The following PRPH2 variants were observed in gnomAD, a reference collection of about 807,000 sequenced individuals.
The protein encoded by PRPH2 is peripherin 2.
In PRPH2, 17 loss-of-function variants were observed where a neutral mutation model predicts 31.3. The observed-to-expected ratio is 0.54, with a 90% CI of 0.37 to 0.81. PRPH2 has a LOEUF of 0.81. PRPH2 is among the 40% of genes least tolerant of loss of function. The probability of loss-of-function intolerance (pLI) is 0.00; values close to 1 mark genes in which losing one functional copy is unlikely to be tolerated. For synonymous variants in PRPH2, 165 were observed against 184.4 expected (o/e 0.89, Z 0.85); for missense variants, 430 against 439.7 (o/e 0.98, Z 0.20).
intron 1 of PRPH2, 86 bp from the exon 2 acceptor site, chr6:42,704,697 T>G (rs1800121040): frequency 6.3e-7 from 1 of 1,580,694 alleles, no homozygotes; most frequent in South Asian, 1.1e-5. Context: ...TCTGGAAACC[T>G]AGAATAGTCA....
intron 2 of PRPH2, among the ~76,000 whole-genome samples, chr6:42,700,083 C>T (rs775279061): frequency 7.2e-5 from 11 of 152,088 alleles, no homozygotes; most frequent in African/African-American, 1.2e-4. Flanking sequence ...CTCAGCCTCC[C>T]GAGTAGCTGG....
Position 42,698,096 on chromosome 6 carries a change from AT to A in PRPH2, c.*198del. On this transcript the variant is annotated 3_prime_UTR_variant, in exon 3 of 3. Coordinates refer to ENST00000230381, the MANE Select transcript of PRPH2 (RefSeq NM_000322.5). ...TCACATTCACATTAGCTTCATTCAC[AT>A]TTTGGGTCAGTCATTCAACAACTGT... 1 of 689,580 alleles carries A rather than the reference AT, an allele frequency of 1.5e-6. No individual in the cohort carries two copies. 42.7% of individuals were successfully genotyped at this position (689,580 alleles called of 1,614,324 possible). A position where few individuals can be genotyped will look rare whatever the true frequency, so the allele number is the denominator to read the frequency against.
intron 1 of PRPH2, among the ~76,000 whole-genome samples, chr6:42,716,417 AT>A (rs956752770): frequency 2.7e-5 from 4 of 150,250 alleles, no homozygotes; most frequent in African/African-American, 9.8e-5. Context: ...TAAGAAAAGA[AT>A]TTTTTTTCTT....
intron 1 of PRPH2, among the ~76,000 whole-genome samples, chr6:42,710,747 T>A (rs1026021831): frequency 2.2e-4 from 34 of 152,310 alleles, no homozygotes; most frequent in African/African-American, 7.9e-4. Context: ...GGGAAAATGA[T>A]CACGTCTGAG....
At chr6:42,711,211 GA>G (rs947230351) in intron 1 of PRPH2, among the ~76,000 whole-genome samples, 2 of 152,170 alleles carry the variant, frequency 1.3e-5, no homozygotes, top group Non-Finnish European at 2.9e-5. Context: ...GGTTCCTGAG[GA>G]AAAGGATGAA....
chr6:42,705,586 AAAAAAAAAAAAAAATATATATATATAT>A (rs1260527158), intron 1 of PRPH2, among the ~76,000 whole-genome samples: 15 of 11,128 alleles, frequency 1.3e-3, no homozygotes, highest in Non-Finnish European at 2.2e-3. Flanking sequence ...AAAAAAAAAA[AAAAAAAAAAAAAAATATATATATATAT>A]ATATATATAT....
intron 2 of PRPH2, among the ~76,000 whole-genome samples, chr6:42,704,129 T>G (rs563786055): frequency 6.7e-6 from 1 of 149,208 alleles, no homozygotes; most frequent in Non-Finnish European, 1.5e-5. Context: ...AAAAATAAAT[T>G]TAAGTGGTGG....
intron 1 of PRPH2, among the ~76,000 whole-genome samples, chr6:42,715,859 C>T (rs145762135): frequency 0.011 from 1,714 of 152,248 alleles, 39 homozygotes; most frequent in African/African-American, 0.04. Context: ...ACTCTATCCT[C>T]AGGTTTCTGG....
rs992673020 is a variant in PRPH2 at position 42,696,603 on chromosome 6, A to C, written c.*1692T>G. On this transcript the variant is annotated 3_prime_UTR_variant, in exon 3 of 3. Coordinates refer to ENST00000230381, the MANE Select transcript of PRPH2 (RefSeq NM_000322.5). ...CAGTCATTTAACAAAAGTGATTTTC[A>C]TACAGTATGAATTTTAATTATCTAT... 1 of 152,208 alleles carries C rather than the reference A, an allele frequency of 6.6e-6. No individual in the cohort carries two copies. Among genetic ancestry groups the C allele is most frequent in the Non-Finnish European group, 1.5e-5 (1 of 68,044 alleles). 9.4% of individuals were successfully genotyped at this position (152,208 alleles called of 1,614,324 possible).
chr6:42,704,304 T>C, intron 2 of PRPH2, 61 bp downstream of exon 2: 2 of 1,573,156 alleles, frequency 1.3e-6, no homozygotes, highest in Non-Finnish European at 1.7e-6. Context: ...CCGCCCCCAT[T>C]AGACCCAAAT....
intron 1 of PRPH2, among the ~76,000 whole-genome samples, chr6:42,717,259 A>C (rs892468159): frequency 1.3e-5 from 2 of 150,516 alleles, no homozygotes; most frequent in African/African-American, 4.9e-5. Flanking sequence ...CTAAAAATAC[A>C]AAAAAAAATA....
At chr6:42,704,317 G>A (rs748860726) in intron 2 of PRPH2, 48 bp downstream of exon 2, 1 of 1,586,222 alleles carries the variant, frequency 6.3e-7, no homozygotes, top group Non-Finnish European at 8.6e-7. Flanking sequence ...ACCCAAATGG[G>A]ACCGGAGGCT....
chr6:42,704,611 A>G lies in PRPH2; in HGVS notation c.582T>C (p.Asp194=). 5 of 1,614,124 alleles carry G rather than the reference A, an allele frequency of 3.1e-6. No homozygotes were observed. Among genetic ancestry groups the G allele is most frequent in the Non-Finnish European group, 3.4e-6 (4 of 1,180,022 alleles). Residue 194 remains aspartate (D), a splice_region_variant and synonymous_variant, in exon 2 of 3, where the codon GAT becomes GAC. Transcript: ENST00000230381. ...GCCCATCCACGTTGCTCTTGATTCG[A>G]CTTAAAGGGAAACAGACAGCTGGAG... The part of the protein sequence containing the change: ...YLDFSSKEVK[D]RIKSNVDGRY...
Position 42,722,431 on chromosome 6 carries a change from G to A in PRPH2, c.-97C>T, listed in dbSNP as rs1454631645. 6.4e-7 allele frequency: 1 copy of A among 1,561,446 alleles called. No individual in the cohort carries two copies. The highest frequency in any genetic ancestry group is 2.3e-5 in the East Asian group (1 of 43,100). Reference sequence around the variant, plus strand: ...GGAGACTTAGGGCCTTGGGAAAAGTGCAGATGGCCCAAGCTGTAGGGAGCT... The same window carrying A: ...GGAGACTTAGGGCCTTGGGAAAAGTACAGATGGCCCAAGCTGTAGGGAGCT... On this transcript the variant is annotated 5_prime_UTR_variant, in exon 1 of 3. Coordinates refer to ENST00000230381, the MANE Select transcript of PRPH2 (RefSeq NM_000322.5). The surrounding 1 kb of genome is among the most constrained non-coding windows in gnomAD (Gnocchi z 4.4).
chr6:42,701,387 T>A (rs182995005), intron 2 of PRPH2, among the ~76,000 whole-genome samples: 1 of 152,220 alleles, frequency 6.6e-6, no homozygotes, highest in African/African-American at 2.4e-5. Flanking sequence ...CCTCCCAAAG[T>A]GCTGAGATTA....
At chr6:42,708,829 C>T (rs1032213480) in intron 1 of PRPH2, among the ~76,000 whole-genome samples, 45 of 152,212 alleles carry the variant, frequency 3.0e-4, no homozygotes, top group Non-Finnish European at 8.8e-5. Context: ...GGAGTGATAG[C>T]AGCTGCCTCT....
intron 1 of PRPH2, among the ~76,000 whole-genome samples, chr6:42,713,993 T>C (rs1473578109): frequency 6.9e-6 from 1 of 145,610 alleles, no homozygotes; most frequent in African/African-American, 2.5e-5. Flanking sequence ...AGACTTCCCG[T>C]ACCCCAAGCA....
Position 42,704,333 on chromosome 6 carries a change from T to C in PRPH2, c.828+32A>G, listed in dbSNP as rs1001028004. On this transcript the variant is annotated intron_variant, in intron 2 of 2. Coordinates refer to ENST00000230381, the MANE Select transcript of PRPH2 (RefSeq NM_000322.5). ...CCCAAATGGGACCGGAGGCTCTCCT[T>C]ACCCTCTACCCCCAGCTGGCCCAGG... The C allele has an allele frequency of 1.2e-5, 19 of 1,598,596 alleles. No individual in the cohort carries two copies. In the Middle Eastern group the frequency reaches 5.2e-4, roughly 44 times the overall value.
chr6:42,698,887 C>T (rs1799997855), intron 2 of PRPH2, among the ~76,000 whole-genome samples: 1 of 152,118 alleles, frequency 6.6e-6, no homozygotes, highest in African/African-American at 2.4e-5. Context: ...GCAGCTCATC[C>T]TCCCTCCCCA....
Sources: gnomAD v4.1 joint callset for allele counts (sites outside exome capture counted in the v4.1 genomes callset) on GRCh38, gnomAD v4.1.1 for gene constraint, Gnocchi (gnomAD v3.1) non-coding constraint, MANE v1.5 for transcripts, NCBI Gene and HGNC (gene_info 2026-07-23, HGNC 2026-07-21) for gene names.